Variants in TRPM3 observed in about 807,000 individuals in gnomAD.
TRPM3 encodes long transient receptor potential channel 3.
Under a neutral mutation model 181.2 loss-of-function variants are expected in TRPM3, and 77 were observed. The observed-to-expected ratio is 0.42, with a 90% CI of 0.35 to 0.51. The LOEUF is 0.51. Ranked by LOEUF, TRPM3 falls within the 20% of genes least tolerant of loss-of-function variation. The pLI, the probability that TRPM3 is intolerant of heterozygous loss-of-function variation, is 0.01. For missense variants in TRPM3, 1,759 were observed against 2,196.7 expected (o/e 0.80, Z 3.98); for synonymous variants, 745 against 796.4 (o/e 0.94, Z 1.09).
intron 1 of TRPM3, among the ~76,000 whole-genome samples, chr9:71,222,892 A>T (rs2080326538): frequency 1.3e-5 from 2 of 152,152 alleles, no homozygotes; most frequent in Admixed American, 1.3e-4. Flanking sequence ...CAGAGATTGG[A>T]ACTTGAGTTT....
intron 1 of TRPM3, among the ~76,000 whole-genome samples, chr9:71,350,497 T>C (rs931456655): frequency 6.6e-6 from 1 of 152,208 alleles, no homozygotes; most frequent in Non-Finnish European, 1.5e-5. Flanking sequence ...ATTGTGAAAT[T>C]ATACTTCCAC....
intron 3 of TRPM3, among the ~76,000 whole-genome samples, chr9:70,847,059 A>G (rs7863077): frequency 0.57 from 86,200 of 151,984 alleles, 24,808 homozygotes; most frequent in Non-Finnish European, 0.58. Context: ...TTAAAATAAC[A>G]TAATAGTGAA....
chr9:70,562,875 G>A (rs1295703850), intron 22 of TRPM3, among the ~76,000 whole-genome samples: 1 of 152,126 alleles, frequency 6.6e-6, no homozygotes, highest in African/African-American at 2.4e-5. Flanking sequence ...ACACGCCAGT[G>A]GGTTTGCTGT....
At chr9:71,238,949 T>C (rs866627580) in intron 1 of TRPM3, among the ~76,000 whole-genome samples, 3 of 152,156 alleles carry the variant, frequency 2.0e-5, no homozygotes, top group Non-Finnish European at 4.4e-5. Context: ...CTTCCAACTC[T>C]ACCTGCTGTC....
chr9:71,170,536 T>C (rs2134795337), intron 1 of TRPM3, among the ~76,000 whole-genome samples: 2 of 152,328 alleles, frequency 1.3e-5, no homozygotes, highest in South Asian at 2.1e-4. Context: ...GCTGAAGCCA[T>C]GGCAGAAGAA....
chr9:71,233,938 T>C (rs181516202), intron 1 of TRPM3, among the ~76,000 whole-genome samples: 30 of 152,352 alleles, frequency 2.0e-4, no homozygotes, highest in African/African-American at 7.0e-4. Flanking sequence ...TTAATTATTA[T>C]ATTACTTACC....
chr9:70,966,498 C>T (rs2097186778), intron 1 of TRPM3, among the ~76,000 whole-genome samples: 1 of 151,982 alleles, frequency 6.6e-6, no homozygotes, highest in Non-Finnish European at 1.5e-5. Flanking sequence ...ACTTAAATGC[C>T]CATAAATGGT....
chr9:71,307,044 G>A (rs969534318), intron 1 of TRPM3, among the ~76,000 whole-genome samples: 7 of 152,068 alleles, frequency 4.6e-5, no homozygotes, highest in African/African-American at 1.4e-4. Flanking sequence ...TTGCTCCTCT[G>A]AACATTTTAT....
intron 1 of TRPM3, among the ~76,000 whole-genome samples, chr9:71,189,065 T>C (rs1364287663): frequency 6.6e-6 from 1 of 151,882 alleles, no homozygotes; most frequent in Non-Finnish European, 1.5e-5. Context: ...TATGTGCCAA[T>C]ACCACTTCAA....
intron 1 of TRPM3, among the ~76,000 whole-genome samples, chr9:71,201,829 C>T (rs535108438): frequency 5.3e-5 from 8 of 152,328 alleles, no homozygotes; most frequent in African/African-American, 1.4e-4. Flanking sequence ...TCTCTCAACT[C>T]GTCAAAGTCA....
intron 1 of TRPM3, among the ~76,000 whole-genome samples, chr9:71,271,505 C>G (rs903003319): frequency 6.6e-6 from 1 of 151,902 alleles, no homozygotes; most frequent in Non-Finnish European, 1.5e-5. Flanking sequence ...CATATAAATC[C>G]CTTTCTCAAC....
rs796463586 is a variant in TRPM3 at position 71,407,574 on chromosome 9, G to A, written c.183+39079C>T. 1.6e-4 allele frequency among the ~76,000 whole-genome samples: 24 copies of A among 152,332 alleles called. 1 individual carries two copies. Among genetic ancestry groups the A allele is most frequent in the African/African-American group, 5.8e-4 (24 of 41,586 alleles). ...TTGACTAGGTAAACAAAGCAGCCAG[G>A]AAGCTCAAAATGGGTGGAGCCCACT... On this transcript the variant is annotated intron_variant, in intron 1 of 24. Transcript: ENST00000357533.
rs547149599 is a variant in TRPM3, at chr9:71,025,315, C to T, written c.177+95863G>A. Among the ~76,000 whole-genome samples, 40 of 152,324 alleles carry T rather than the reference C, an allele frequency of 2.6e-4. 1 individual carries two copies. Among genetic ancestry groups the T allele is most frequent in the East Asian group, 2.1e-3 (11 of 5,186 alleles). On this transcript the variant is annotated intron_variant, in intron 1 of 25. Transcript: ENST00000677713. Reference sequence around the variant, plus strand: ...AAACATCTACAGACTCGTTCTGCTTCTCCGAGTGGTGCAGAAGTAGCTAGC... The same window carrying T: ...AAACATCTACAGACTCGTTCTGCTTTTCCGAGTGGTGCAGAAGTAGCTAGC...
chr9:70,953,147 A>G (rs2097023211), intron 1 of TRPM3, among the ~76,000 whole-genome samples: 1 of 152,224 alleles, frequency 6.6e-6, no homozygotes, highest in Admixed American at 6.5e-5. Flanking sequence ...AGTCTGTGAC[A>G]TATCTCAAAT....
chr9:70,995,086 C>A (rs185977162), intron 1 of TRPM3, among the ~76,000 whole-genome samples: 2 of 152,196 alleles, frequency 1.3e-5, no homozygotes, highest in East Asian at 3.9e-4. Context: ...TGTCTTCTCT[C>A]TCTGGGTGTG....
chr9:70,940,500 T>C (rs529999894), intron 1 of TRPM3, among the ~76,000 whole-genome samples: 26 of 152,360 alleles, frequency 1.7e-4, no homozygotes, highest in African/African-American at 6.0e-4. Flanking sequence ...ATCTATCATA[T>C]GCTAAGTGCT....
At chr9:71,297,589 G>C (rs188368261) in intron 1 of TRPM3, among the ~76,000 whole-genome samples, 1 of 152,224 alleles carries the variant, frequency 6.6e-6, no homozygotes, top group East Asian at 1.9e-4. Context: ...CAGATCTCAT[G>C]AAAACTTACT....
chr9:71,392,610 C>G (rs2093088814), intron 1 of TRPM3, among the ~76,000 whole-genome samples: 1 of 152,020 alleles, frequency 6.6e-6, no homozygotes. Context: ...GTAGTATCTT[C>G]CCCTATGCCT....
chr9:70,783,911 A>T (rs1285822616), intron 7 of TRPM3, 194 bp downstream of exon 7: 39 of 1,301,642 alleles, frequency 3.0e-5, no homozygotes, highest in South Asian at 1.4e-4. Flanking sequence ...AGAATTTCCC[A>T]CTTCACAGGA....
Sources: gnomAD v4.1 joint callset for allele counts (sites outside exome capture counted in the v4.1 genomes callset) on GRCh38, gnomAD v4.1.1 for gene constraint, MANE v1.5 for transcripts, NCBI Gene and HGNC (gene_info 2026-07-23, HGNC 2026-07-21) for gene names.